Variants in MCF2 observed in about 807,000 individuals in gnomAD.
MCF2 encodes the protein MCF.2 cell line derived transforming sequence.
MCF2 carries 44 observed loss-of-function variants against 82.5 expected under a neutral mutation model. The observed-to-expected ratio is 0.53, with a 90% CI of 0.42 to 0.69. The LOEUF is 0.69. MCF2 is among the 30% of genes least tolerant of loss of function. The pLI is 0.00. For missense variants in MCF2, 623 were observed against 663.1 expected (o/e 0.94, Z 0.66); for synonymous variants, 217 against 224.9 (o/e 0.96, Z 0.32).
At chrX:139,594,892 T>C (rs12016089) in intron 19 of MCF2, among the ~76,000 whole-genome samples, 1,264 of 109,820 alleles carry the variant, frequency 0.012, 29 homozygotes, top group African/African-American at 0.04. Flanking sequence ...AAAAAACAAA[T>C]AACCCCATCA....
chrX:139,664,748 C>T (rs778969323), intron 1 of MCF2, among the ~76,000 whole-genome samples: 1 of 112,284 alleles, frequency 8.9e-6, no homozygotes, highest in African/African-American at 3.2e-5. Flanking sequence ...AGTAGTCTCT[C>T]CCCATAGCCA....
At chrX:139,650,514 C>T (rs192832648) in intron 2 of MCF2, among the ~76,000 whole-genome samples, 19 of 21,833 alleles carry the variant, frequency 8.7e-4, no homozygotes, top group Non-Finnish European at 2.1e-3. Context: ...TTCTTGTACT[C>T]CTAAGAAGCA....
rs985401679 is a variant in MCF2 at position 139,678,062 on chromosome X, C to T, written c.-44-26274G>A. Among the ~76,000 whole-genome samples the T allele has an allele frequency of 4.0e-4, 45 of 111,427 alleles. 1 individual carries two copies. Among genetic ancestry groups the T allele is most frequent in the Non-Finnish European group, 1.7e-4 (9 of 53,079 alleles). ...CCTGTAGTCCCAGCTACTGGGTAGG[C>T]TGAGGTGGAAGGATCGCTTGAGCCC... On this transcript the variant is annotated intron_variant, in intron 1 of 27. Coordinates refer to the MCF2 transcript ENST00000414978.
intron 6 of MCF2, among the ~76,000 whole-genome samples, chrX:139,620,106 C>T (rs1603289340): frequency 1.9e-5 from 2 of 106,722 alleles, no homozygotes; most frequent in African/African-American, 6.8e-5. Flanking sequence ...CATTCCCCAG[C>T]TCTCTGGTGA....
chrX:139,658,667 GTTTTTTTT>G (rs1182070757), intron 1 of MCF2, among the ~76,000 whole-genome samples: 1 of 56,613 alleles, frequency 1.8e-5, no homozygotes, highest in African/African-American at 7.8e-5. Context: ...AAAAAGATGT[GTTTTTTTT>G]TTTTTTTTTT....
chrX:139,587,713 T>A lies in MCF2; in HGVS notation c.2522+3A>T. The A allele has an allele frequency of 8.7e-7, 1 of 1,147,783 alleles. No individual in the cohort carries two copies. Among genetic ancestry groups the A allele is most frequent in the Non-Finnish European group, 1.2e-6 (1 of 840,027 alleles). 94.6% of individuals were successfully genotyped at this position (1,147,783 alleles called of 1,213,427 possible). Reference sequence around the variant, plus strand: ...TGGTATTTCTTAAAGAATAATCACTTACTCATCATTCTGCTGAAGAGAAAT... The same window carrying A: ...TGGTATTTCTTAAAGAATAATCACTAACTCATCATTCTGCTGAAGAGAAAT... On this transcript the variant is annotated splice_donor_region_variant and intron_variant, in intron 22 of 24. Transcript: ENST00000370576.
At chrX:139,593,998 C>T (rs1929792833) in intron 19 of MCF2, among the ~76,000 whole-genome samples, 3 of 110,744 alleles carry the variant, frequency 2.7e-5, no homozygotes, top group Admixed American at 9.6e-5. Context: ...GAATAAAATA[C>T]CTAGGAATCC....
chrX:139,689,199 T>C (rs1335590749), intron 1 of MCF2, among the ~76,000 whole-genome samples: 1 of 112,413 alleles, frequency 8.9e-6, no homozygotes, highest in Non-Finnish European at 1.9e-5. Context: ...AACTGTGTTC[T>C]AACTAGTCAT....
At chrX:139,617,052 C>T (rs1014096361) in intron 8 of MCF2, among the ~76,000 whole-genome samples, 2 of 111,143 alleles carry the variant, frequency 1.8e-5, no homozygotes, top group Non-Finnish European at 3.8e-5. Flanking sequence ...AAGGGTCAAA[C>T]CCACAAGCCA....
At chrX:139,636,467 C>T (rs763090723) in intron 1 of MCF2, among the ~76,000 whole-genome samples, 5 of 111,903 alleles carry the variant, frequency 4.5e-5, no homozygotes, top group East Asian at 2.8e-4. Flanking sequence ...ATCTCATATT[C>T]TCTTGTATCT....
chrX:139,596,828 C>A, intron 18 of MCF2, 58 bp from the exon 23 acceptor site: 5 of 786,841 alleles, frequency 6.4e-6, no homozygotes, highest in Non-Finnish European at 9.7e-6. Context: ...AGCTCTCTGA[C>A]ACCAACATGT....
At chrX:139,619,485 TA>T in intron 7 of MCF2, 101 bp downstream of exon 10, 1 of 612,306 alleles carries the variant, frequency 1.6e-6, no homozygotes, top group Non-Finnish European at 2.3e-6. Flanking sequence ...TATGGAAAAA[TA>T]AAAATAAAGA....
At chrX:139,675,348 G>A (rs750151664) in intron 1 of MCF2, among the ~76,000 whole-genome samples, 9 of 112,485 alleles carry the variant, frequency 8.0e-5, no homozygotes, top group Admixed American at 3.7e-4. Context: ...CATTGCTGGC[G>A]AGGAGATGCA....
intron 1 of MCF2, among the ~76,000 whole-genome samples, chrX:139,668,195 C>T (rs1934580918): frequency 1.8e-5 from 2 of 111,723 alleles, no homozygotes; most frequent in Admixed American, 1.9e-4. Flanking sequence ...CTTTGTGCCC[C>T]AGGGTAGTGT....
At chrX:139,658,043 A>G (rs1048466739) in intron 1 of MCF2, among the ~76,000 whole-genome samples, 2 of 111,251 alleles carry the variant, frequency 1.8e-5, no homozygotes, top group African/African-American at 3.3e-5. Context: ...ATTTAATGGT[A>G]TATTCTCAGC....
intron 15 of MCF2, among the ~76,000 whole-genome samples, chrX:139,604,319 CA>C (rs35554292): frequency 6.4e-4 from 63 of 98,579 alleles, no homozygotes; most frequent in South Asian, 4.4e-3. Flanking sequence ...GTTTTTTAGG[CA>C]AAAAAAAAAA....
intron 1 of MCF2, among the ~76,000 whole-genome samples, chrX:139,680,858 CTT>C (rs950533468): frequency 8.9e-6 from 1 of 112,327 alleles, no homozygotes; most frequent in Admixed American, 9.4e-5. Flanking sequence ...ATTAAAATGA[CTT>C]ATTTTAGTTT....
chrX:139,654,104 T>C (rs1291604109), intron 1 of MCF2, among the ~76,000 whole-genome samples: 1 of 112,158 alleles, frequency 8.9e-6, no homozygotes, highest in East Asian at 2.8e-4. Flanking sequence ...GCAATAAACA[T>C]GGGAGTGTAA....
At chrX:139,659,060 C>T (rs896138644) in intron 1 of MCF2, among the ~76,000 whole-genome samples, 68 of 111,324 alleles carry the variant, frequency 6.1e-4, no homozygotes, top group Non-Finnish European at 9.8e-4. Context: ...GAGGCCGAGG[C>T]AGGCGGATCA....
Sources: gnomAD v4.1 joint callset for allele counts (sites outside exome capture counted in the v4.1 genomes callset) on GRCh38, gnomAD v4.1.1 for gene constraint, MANE v1.5 for transcripts, NCBI Gene and HGNC (gene_info 2026-07-23, HGNC 2026-07-21) for gene names.